The following ASIC2 variants were observed in gnomAD, a reference collection of about 807,000 sequenced individuals.
ASIC2 encodes acid sensing ion channel subunit 2, also known as acid-sensing ion channel 2.
In ASIC2, 25 loss-of-function variants were observed where a neutral mutation model predicts 57.3. The observed-to-expected ratio is 0.44, with a 90% CI of 0.32 to 0.61. ASIC2 has a LOEUF of 0.61. Among genes scored for constraint, ASIC2 ranks in the 20% least tolerant of loss-of-function variants. The probability of loss-of-function intolerance (pLI) is 0.06; values close to 1 mark genes in which losing one functional copy is unlikely to be tolerated. For synonymous variants in ASIC2, 319 were observed against 307.5 expected (o/e 1.04, Z -0.39); for missense variants, 641 against 738.1 (o/e 0.87, Z 1.52).
At chr17:33,419,614 C>G (rs1395520249) in intron 1 of ASIC2, among the ~76,000 whole-genome samples, 1 of 152,338 alleles carries the variant, frequency 6.6e-6, no homozygotes, top group South Asian at 2.1e-4. Context: ...ACGTATTACT[C>G]TTTGATCCAG....
chr17:33,633,347 G>A (rs1906237302), intron 1 of ASIC2, among the ~76,000 whole-genome samples: 1 of 152,208 alleles, frequency 6.6e-6, no homozygotes, highest in South Asian at 2.1e-4. Flanking sequence ...TGGACACAAT[G>A]CAGAGGGCAG....
intron 1 of ASIC2, among the ~76,000 whole-genome samples, chr17:33,977,080 C>T (rs1905418139): frequency 6.6e-6 from 1 of 152,052 alleles, no homozygotes. Flanking sequence ...TGCATTCTGG[C>T]CCTGCTGTCT....
chr17:33,840,515 G>A (rs1033043423), intron 1 of ASIC2, among the ~76,000 whole-genome samples: 3 of 152,204 alleles, frequency 2.0e-5, no homozygotes, highest in Admixed American at 1.3e-4. Flanking sequence ...AGTAGGAGAT[G>A]TTCCCGCTCT....
At chr17:34,123,862 A>C (rs1393319637) in intron 1 of ASIC2, among the ~76,000 whole-genome samples, 1 of 152,176 alleles carries the variant, frequency 6.6e-6, no homozygotes, top group Non-Finnish European at 1.5e-5. Flanking sequence ...TGGGCAGATC[A>C]CTTGAGGTCA....
intron 1 of ASIC2, among the ~76,000 whole-genome samples, chr17:33,837,615 A>C (rs188400959): frequency 3.7e-4 from 56 of 152,276 alleles, no homozygotes; most frequent in African/African-American, 1.3e-3. Flanking sequence ...CTTCAGGATC[A>C]CTTTATGCTT....
At chr17:33,400,418 T>G (rs922116819) in intron 1 of ASIC2, among the ~76,000 whole-genome samples, 8 of 152,230 alleles carry the variant, frequency 5.3e-5, no homozygotes, top group Admixed American at 5.2e-4. Context: ...ACAGTAGAAA[T>G]GAGTTTGAGG....
chr17:33,878,911 G>A (rs1022764694), intron 1 of ASIC2, among the ~76,000 whole-genome samples: 43 of 152,266 alleles, frequency 2.8e-4, no homozygotes, highest in African/African-American at 6.7e-4. Context: ...CTGATCTCTT[G>A]GCAGAAACTC....
At chr17:34,111,220 C>T (rs1911261154) in intron 1 of ASIC2, among the ~76,000 whole-genome samples, 1 of 149,070 alleles carries the variant, frequency 6.7e-6, no homozygotes. Context: ...AGCGAGACTC[C>T]ATCTCAAAAA....
chr17:33,867,999 A>G (rs1239633502), intron 1 of ASIC2, among the ~76,000 whole-genome samples: 1 of 152,220 alleles, frequency 6.6e-6, no homozygotes, highest in Non-Finnish European at 1.5e-5. Context: ...CTCCTGGTTC[A>G]TAATTTCTGT....
At chr17:33,998,238 C>A (rs1018510327) in intron 1 of ASIC2, among the ~76,000 whole-genome samples, 2 of 151,974 alleles carry the variant, frequency 1.3e-5, no homozygotes, top group African/African-American at 4.8e-5. Flanking sequence ...GTTGTAACAT[C>A]TTATTTATTT....
At chr17:33,940,931 G>A (rs138927582) in intron 1 of ASIC2, among the ~76,000 whole-genome samples, 1 of 152,338 alleles carries the variant, frequency 6.6e-6, no homozygotes, top group African/African-American at 2.4e-5. Flanking sequence ...CAGACGGAGT[G>A]GGCCTGAGGC....
chr17:33,152,197 T>C (rs550379116), intron 1 of ASIC2, among the ~76,000 whole-genome samples: 1 of 152,168 alleles, frequency 6.6e-6, no homozygotes. Context: ...GATTTGGTGG[T>C]GCACTTGCTC....
intron 1 of ASIC2, among the ~76,000 whole-genome samples, chr17:33,585,030 T>C (rs763701252): frequency 6.6e-6 from 1 of 152,116 alleles, no homozygotes; most frequent in Non-Finnish European, 1.5e-5. Flanking sequence ...TCACTTGCCA[T>C]CCACAGAATC....
At position 33,556,663 on chromosome 17, in the gene ASIC2, T is replaced by C. The variant is rs577426333; in HGVS notation, c.556-444596A>G. On this transcript the variant is annotated intron_variant, in intron 1 of 9. Coordinates refer to the ASIC2 transcript ENST00000359872. ...CAAGTTTGGTAATGAGTGAGGCCTCTGGAGCTAGAAAGTCACAGTCATCTT... is the reference window on the plus strand; with the variant it reads ...CAAGTTTGGTAATGAGTGAGGCCTCCGGAGCTAGAAAGTCACAGTCATCTT... 8.9e-4 allele frequency among the ~76,000 whole-genome samples: 136 copies of C among 152,328 alleles called. 2 individuals carry two copies. Among genetic ancestry groups the C allele is most frequent in the African/African-American group, 3.2e-3 (132 of 41,572 alleles).
At chr17:33,483,130 C>CCA (rs989185568) in intron 1 of ASIC2, among the ~76,000 whole-genome samples, 5 of 151,952 alleles carry the variant, frequency 3.3e-5, no homozygotes, top group South Asian at 4.2e-4. Flanking sequence ...CATCCCCACG[C>CCA]CACACAGATC....
rs149984282 is a variant in ASIC2 at position 33,906,115 on chromosome 17, C to T, written c.555+249863G>A. 3.2e-3 allele frequency among the ~76,000 whole-genome samples: 481 copies of T among 148,894 alleles called. 2 individuals are homozygous for T. The highest frequency in any genetic ancestry group is 7.1e-3 in the Middle Eastern group (2 of 282). On this transcript the variant is annotated intron_variant, in intron 1 of 9. Coordinates refer to the ASIC2 transcript ENST00000359872. ...TGCTGGGATTACAAGCGTGAGCCAT[C>T]GCACCTGGCCTTGATGTTCTTAAAA... is the stretch of plus-strand genomic sequence containing the variant.
intron 1 of ASIC2, among the ~76,000 whole-genome samples, chr17:33,819,788 CA>C (rs1395831358): frequency 3.3e-5 from 5 of 152,090 alleles, no homozygotes; most frequent in African/African-American, 1.2e-4. Context: ...CTCTGAGTCA[CA>C]AAAAACATTA....
At chr17:33,369,945 T>G (rs568108174) in intron 1 of ASIC2, among the ~76,000 whole-genome samples, 62 of 152,280 alleles carry the variant, frequency 4.1e-4, no homozygotes, top group African/African-American at 1.4e-3. Flanking sequence ...TAAGCCATAC[T>G]CCAACTAAAT....
intron 6 of ASIC2, among the ~76,000 whole-genome samples, chr17:33,022,906 T>C (rs1481963146): frequency 6.6e-6 from 1 of 152,192 alleles, no homozygotes; most frequent in Admixed American, 6.5e-5. Flanking sequence ...TCTAGATGCC[T>C]GGGATAACCT....
Sources: allele counts gnomAD v4.1 joint callset (sites outside exome capture counted in the v4.1 genomes callset), GRCh38; gene constraint gnomAD v4.1.1; transcripts MANE v1.5; gene names NCBI Gene and HGNC (gene_info 2026-07-23, HGNC 2026-07-21).